Variants in FAM81A observed in about 807,000 individuals in gnomAD.
The protein encoded by FAM81A is family with sequence similarity 81 member A, also known as protein FAM81A.
Under a neutral mutation model 46.7 loss-of-function variants are expected in FAM81A, and 19 were observed. That is an observed-to-expected ratio of 0.41 (90% CI 0.28 to 0.60). FAM81A has a LOEUF of 0.60. Ranked by LOEUF, FAM81A falls within the 20% of genes least tolerant of loss-of-function variation. The pLI is 0.34. For synonymous variants in FAM81A, 183 were observed against 152.9 expected (o/e 1.20, Z -1.45); for missense variants, 377 against 453.5 (o/e 0.83, Z 1.53).
Position 59,458,606 on chromosome 15 carries a change from C to T in FAM81A, c.-21C>T. On this transcript the variant is annotated 5_prime_UTR_variant, in exon 2 of 9. Transcript: ENST00000288228. Reference sequence around the variant, plus strand: ...GGAGCACTGTATTTCCTTCTCGTGTCACCAAGGAAAGGTATAATATATGGA... The same window carrying T: ...GGAGCACTGTATTTCCTTCTCGTGTTACCAAGGAAAGGTATAATATATGGA... 6.2e-7 allele frequency: 1 copy of T among 1,613,930 alleles called. No homozygotes were observed. The highest frequency in any genetic ancestry group is 1.7e-5 in the Admixed American group (1 of 60,030).
chr15:59,482,476 C>A (rs968346991), intron 3 of FAM81A, among the ~76,000 whole-genome samples: 8 of 152,164 alleles, frequency 5.3e-5, no homozygotes, highest in African/African-American at 1.9e-4. Context: ...ACCATGTTGG[C>A]CAGGCTGGTC....
At chr15:59,474,105 C>G (rs972821254) in intron 3 of FAM81A, among the ~76,000 whole-genome samples, 3 of 152,178 alleles carry the variant, frequency 2.0e-5, no homozygotes, top group Non-Finnish European at 4.4e-5. Context: ...CTCAGTGTAT[C>G]CTGGACACTG....
At chr15:59,447,495 C>G (rs1314103879) in intron 1 of FAM81A, among the ~76,000 whole-genome samples, 1 of 152,180 alleles carries the variant, frequency 6.6e-6, no homozygotes, top group African/African-American at 2.4e-5. Flanking sequence ...ATGAAGGAGA[C>G]AGAGTGTGCT....
chr15:59,511,851 A>T (rs147803039), intron 6 of FAM81A, among the ~76,000 whole-genome samples: 2 of 151,896 alleles, frequency 1.3e-5, no homozygotes, highest in Non-Finnish European at 2.9e-5. Context: ...GGGTTTCACC[A>T]TGTTAGCCAG....
At chr15:59,500,465 G>A (rs147988850) in intron 4 of FAM81A, among the ~76,000 whole-genome samples, 76 of 151,468 alleles carry the variant, frequency 5.0e-4, no homozygotes, top group East Asian at 2.7e-3. Flanking sequence ...GCCCAGCTAA[G>A]TATTTTTATT....
intron 3 of FAM81A, among the ~76,000 whole-genome samples, chr15:59,463,213 A>AT (rs1334273521): frequency 3.9e-4 from 59 of 151,324 alleles, no homozygotes; most frequent in African/African-American, 1.3e-3. Flanking sequence ...GTCTAAGTTA[A>AT]TTTTTTTTTC....
chr15:59,463,010 T>A (rs1025405859), intron 3 of FAM81A, among the ~76,000 whole-genome samples: 3 of 152,216 alleles, frequency 2.0e-5, no homozygotes, highest in Non-Finnish European at 4.4e-5. Context: ...TGAACATTTT[T>A]AGTTTTATTG....
chr15:59,459,910 A>C (rs890521123), intron 2 of FAM81A, 23 bp from the exon 3 acceptor site: 1 of 1,553,428 alleles, frequency 6.4e-7, no homozygotes, highest in Non-Finnish European at 8.7e-7. Context: ...CCAATTAACA[A>C]CCCTCATGGT....
At chr15:59,433,035 G>A (rs1461377409) in intron 2 of FAM81A, among the ~76,000 whole-genome samples, 4 of 150,460 alleles carry the variant, frequency 2.7e-5, no homozygotes, top group Non-Finnish European at 3.0e-5. Context: ...CCAGCTACTC[G>A]GGAGGCTGAG....
intron 1 of FAM81A, among the ~76,000 whole-genome samples, chr15:59,399,649 G>T (rs2081061776): frequency 6.6e-6 from 1 of 152,198 alleles, no homozygotes; most frequent in Non-Finnish European, 1.5e-5. Context: ...AGTGTGCTGT[G>T]ATGGGGGAAC....
chr15:59,398,434 A>C (rs1206298993), intron 1 of FAM81A, among the ~76,000 whole-genome samples: 1 of 152,202 alleles, frequency 6.6e-6, no homozygotes, highest in Admixed American at 6.5e-5. Flanking sequence ...TAGACAGTGC[A>C]AAATACCTAA....
chr15:59,490,642 G>A (rs911546463), intron 3 of FAM81A, among the ~76,000 whole-genome samples: 2 of 152,128 alleles, frequency 1.3e-5, no homozygotes, highest in East Asian at 1.9e-4. Context: ...GACCAGCCTG[G>A]TCAACACGGT....
chr15:59,516,273 C>T (rs982680679), intron 7 of FAM81A, among the ~76,000 whole-genome samples: 4 of 151,878 alleles, frequency 2.6e-5, no homozygotes, highest in Non-Finnish European at 5.9e-5. Flanking sequence ...TTACAGGCAC[C>T]CACCACCATC....
intron 2 of FAM81A, among the ~76,000 whole-genome samples, chr15:59,425,311 C>T (rs937779281): frequency 2.6e-5 from 4 of 152,142 alleles, no homozygotes; most frequent in Non-Finnish European, 4.4e-5. Flanking sequence ...CCCAAATCAT[C>T]GACTTGGTGA....
At chr15:59,398,237 G>A (rs994704959) in intron 1 of FAM81A, among the ~76,000 whole-genome samples, 1 of 152,172 alleles carries the variant, frequency 6.6e-6, no homozygotes, top group African/African-American at 2.4e-5. Flanking sequence ...GTCAACTCTG[G>A]CAGGACAGAC....
chr15:59,478,400 C>T (rs1007266993), intron 3 of FAM81A, among the ~76,000 whole-genome samples: 20 of 152,126 alleles, frequency 1.3e-4, no homozygotes, highest in Admixed American at 3.3e-4. Flanking sequence ...TGAACTTGAG[C>T]GATGAGTGCA....
At chr15:59,407,862 A>G (rs2081103364) in intron 2 of FAM81A, 2 of 213,970 alleles carry the variant, frequency 9.3e-6, no homozygotes, top group South Asian at 7.3e-5. Flanking sequence ...GGGCCAGCTT[A>G]TGTATTACAG....
chr15:59,404,512 G>A (rs940605725), intron 2 of FAM81A, among the ~76,000 whole-genome samples: 6 of 152,144 alleles, frequency 3.9e-5, no homozygotes, highest in African/African-American at 1.4e-4. Context: ...CCAGGCTGGA[G>A]AGCAGTGGAG....
chr15:59,452,704 T>C (rs1567049398), intron 1 of FAM81A, among the ~76,000 whole-genome samples: 1 of 152,216 alleles, frequency 6.6e-6, no homozygotes, highest in Non-Finnish European at 1.5e-5. Flanking sequence ...GGAATCATGC[T>C]CATGATGTAG....
Sources: gnomAD v4.1 joint callset for allele counts (sites outside exome capture counted in the v4.1 genomes callset) on GRCh38, gnomAD v4.1.1 for gene constraint, MANE v1.5 for transcripts, NCBI Gene and HGNC (gene_info 2026-07-23, HGNC 2026-07-21) for gene names.